Variants in MLANA observed in about 807,000 individuals in gnomAD.
MLANA encodes melan-A.
MLANA carries 21 observed loss-of-function variants against 15.7 expected under a neutral mutation model. The ratio of observed to expected loss-of-function variants is 1.33; its 90% CI spans 0.95 to 1.92. MLANA has a LOEUF of 1.92. Ranked by LOEUF, MLANA falls within the 40% of genes most tolerant of loss-of-function variation. The pLI, the probability that MLANA is intolerant of heterozygous loss-of-function variation, is 0.00. For missense variants in MLANA, 164 were observed against 143.8 expected (o/e 1.14, Z -0.72); for synonymous variants, 56 against 51.5 (o/e 1.09, Z -0.37).
chr9:5,891,099 C>T (rs1012462152), intron 1 of MLANA, 163 bp downstream of exon 1: 1 of 152,166 alleles, frequency 6.6e-6, no homozygotes, highest in Non-Finnish European at 1.5e-5. Context: ...AGAGGGCTCA[C>T]AAAGCCTCCT....
intron 3 of MLANA, among the ~76,000 whole-genome samples, chr9:5,901,676 G>T (rs1264127564): frequency 6.6e-6 from 1 of 151,960 alleles, no homozygotes; most frequent in Non-Finnish European, 1.5e-5. Context: ...AAGCCACCAC[G>T]CCTGGCTAAA....
At chr9:5,899,740 T>C (rs937090003) in intron 3 of MLANA, among the ~76,000 whole-genome samples, 15 of 152,224 alleles carry the variant, frequency 9.9e-5, no homozygotes, top group Non-Finnish European at 7.3e-5. Flanking sequence ...ACCCCTCCGC[T>C]TTCCCCTATG....
intron 2 of MLANA, among the ~76,000 whole-genome samples, chr9:5,897,100 G>C (rs1832078102): frequency 6.6e-6 from 1 of 152,220 alleles, no homozygotes. Flanking sequence ...GTGTTGATGT[G>C]AGAATTGAAT....
chr9:5,906,408 T>C (rs1321005749), intron 3 of MLANA, among the ~76,000 whole-genome samples: 1 of 152,178 alleles, frequency 6.6e-6, no homozygotes, highest in Non-Finnish European at 1.5e-5. Context: ...TGGATGTTCT[T>C]CCTTTATGTA....
intron 3 of MLANA, among the ~76,000 whole-genome samples, chr9:5,900,649 C>T (rs1468745448): frequency 6.6e-6 from 1 of 152,136 alleles, no homozygotes; most frequent in African/African-American, 2.4e-5. Flanking sequence ...TTTTCAACTT[C>T]CATTTGTCCA....
rs1009504852 is a variant in MLANA at position 5,905,607 on chromosome 9, T to C, written c.175-1278T>C. 3.5e-4 allele frequency among the ~76,000 whole-genome samples: 54 copies of C among 152,242 alleles called. 1 individual carries two copies. Among genetic ancestry groups the C allele is most frequent in the African/African-American group, 1.3e-3 (52 of 41,458 alleles). ...CAGACTCCCTTACCTTAAGCATTCCTTTATACTGACTTCAAGTCTTAAGAC... is the reference window on the plus strand; with the variant it reads ...CAGACTCCCTTACCTTAAGCATTCCCTTATACTGACTTCAAGTCTTAAGAC... On this transcript the variant is annotated intron_variant, in intron 3 of 4. Coordinates refer to ENST00000381477, the MANE Select transcript of MLANA (RefSeq NM_005511.2).
intron 2 of MLANA, among the ~76,000 whole-genome samples, chr9:5,896,411 A>G (rs144845755): frequency 1.3e-5 from 2 of 152,306 alleles, no homozygotes; most frequent in East Asian, 3.9e-4. Context: ...GTTTCCATCT[A>G]GCACTGTCAT....
chr9:5,905,390 T>C (rs563425083), intron 3 of MLANA, among the ~76,000 whole-genome samples: 14 of 152,330 alleles, frequency 9.2e-5, no homozygotes, highest in African/African-American at 3.4e-4. Flanking sequence ...CTGACCAGCA[T>C]TAATTTTAAA....
Position 5,894,051 on chromosome 9 carries a change from A to C in MLANA, c.77+1500A>C, listed in dbSNP as rs1251750114. On this transcript the variant is annotated intron_variant, in intron 2 of 4. Coordinates refer to ENST00000381477, the MANE Select transcript of MLANA (RefSeq NM_005511.2). This position sits in a 1 kb window ranked among gnomAD's most constrained non-coding sequence, Gnocchi z 4.0. ...CCAGGTCTGTTTGCCTCCAGAGTCC[A>C]TGCTCTTAAGTGTTATGCTGCAGGC... Among the ~76,000 whole-genome samples the C allele has an allele frequency of 2.0e-5, 3 of 152,116 alleles. No individual in the cohort carries two copies. The highest frequency in any genetic ancestry group is 4.4e-5 in the Non-Finnish European group (3 of 68,022).
At chr9:5,906,337 AAAAAAG>A (rs1339700353) in intron 3 of MLANA, among the ~76,000 whole-genome samples, 14 of 150,276 alleles carry the variant, frequency 9.3e-5, no homozygotes, top group East Asian at 3.9e-4. Context: ...CTCAAAAAAA[AAAAAAG>A]AAAAGAAAAG....
Position 5,892,101 on chromosome 9 carries a change from C to T in MLANA, c.-25-349C>T, listed in dbSNP as rs144016901. 1.8e-4 allele frequency among the ~76,000 whole-genome samples: 27 copies of T among 152,316 alleles called. No individual in the cohort carries two copies. The East Asian group carries it at 5.0e-3, about 28-fold the overall frequency. On this transcript the variant is annotated intron_variant, in intron 1 of 4. Coordinates refer to ENST00000381477, the MANE Select transcript of MLANA (RefSeq NM_005511.2). Reference sequence around the variant, plus strand: ...GGAAGGTGGAGAATCAGTGAAAATGCATTTTGTTTGTTTCTCTAGAAGTTT... The same window carrying T: ...GGAAGGTGGAGAATCAGTGAAAATGTATTTTGTTTGTTTCTCTAGAAGTTT...
chr9:5,903,579 G>C (rs746285272), intron 3 of MLANA, among the ~76,000 whole-genome samples: 13 of 152,274 alleles, frequency 8.5e-5, no homozygotes, highest in East Asian at 5.8e-4. Flanking sequence ...TTCTGATAGA[G>C]AGATGTTGAA....
chr9:5,891,646 C>T lies in MLANA; in HGVS notation c.-26+710C>T, dbSNP rs1012618891. ...GCTTCCATTATTGGTTTTTAATGAG[C>T]GTACTTGAATTACGGCCACTGCAGT... On this transcript the variant is annotated intron_variant, in intron 1 of 4. Transcript: ENST00000381477. Among the ~76,000 whole-genome samples the T allele has an allele frequency of 3.2e-4, 49 of 151,874 alleles. 1 individual carries two copies. Among genetic ancestry groups the T allele is most frequent in the African/African-American group, 1.1e-3 (47 of 41,300 alleles).
At chr9:5,901,281 G>C (rs761157958) in intron 3 of MLANA, among the ~76,000 whole-genome samples, 1 of 152,160 alleles carries the variant, frequency 6.6e-6, no homozygotes, top group Non-Finnish European at 1.5e-5. Context: ...GGTGAGACAG[G>C]ACATCCTTGC....
intron 3 of MLANA, among the ~76,000 whole-genome samples, chr9:5,903,517 T>C (rs947602924): frequency 1.3e-5 from 2 of 152,232 alleles, no homozygotes; most frequent in Non-Finnish European, 2.9e-5. Flanking sequence ...AATGTTGGCC[T>C]CATACAATGA....
intron 2 of MLANA, among the ~76,000 whole-genome samples, chr9:5,893,166 C>T (rs1179372788): frequency 6.6e-6 from 1 of 152,134 alleles, no homozygotes; most frequent in African/African-American, 2.4e-5. Context: ...AAACTCACAA[C>T]TTAGTGGGAG....
chr9:5,896,734 G>T (rs1483380321), intron 2 of MLANA, among the ~76,000 whole-genome samples: 1 of 152,192 alleles, frequency 6.6e-6, no homozygotes, highest in Non-Finnish European at 1.5e-5. Context: ...TGTTTCCAGG[G>T]TCTTTGTGGT....
At chr9:5,892,003 T>C (rs1831684939) in intron 1 of MLANA, among the ~76,000 whole-genome samples, 2 of 152,228 alleles carry the variant, frequency 1.3e-5, no homozygotes, top group South Asian at 4.1e-4. Context: ...TGTTTGTCTG[T>C]GGGATTGATA....
chr9:5,891,275 C>T (rs907212428), intron 1 of MLANA: 2 of 152,190 alleles, frequency 1.3e-5, no homozygotes, highest in African/African-American at 2.4e-5. Flanking sequence ...GCTGTTGCTG[C>T]ACCATTTGCC....
Sources: allele counts gnomAD v4.1 joint callset (sites outside exome capture counted in the v4.1 genomes callset), GRCh38; gene constraint gnomAD v4.1.1; non-coding constraint Gnocchi (gnomAD v3.1); transcripts MANE v1.5; gene names NCBI Gene and HGNC (gene_info 2026-07-23, HGNC 2026-07-21).